ADAM12: variants seen among roughly 807,000 people sequenced by gnomAD.
ADAM12 encodes disintegrin and metalloproteinase domain-containing protein 12.
Under a neutral mutation model 106.4 loss-of-function variants are expected in ADAM12, and 70 were observed. The observed-to-expected ratio is 0.66, with a 90% CI of 0.54 to 0.80. The LOEUF is 0.80. Among genes scored for constraint, ADAM12 ranks in the 30% least tolerant of loss-of-function variants. The pLI, the probability that ADAM12 is intolerant of heterozygous loss-of-function variation, is 0.00. For synonymous variants in ADAM12, 420 were observed against 433.5 expected, an observed-to-expected ratio of 0.97 and a Z score of 0.39; for missense variants, 1,010 against 1,171.9, an observed-to-expected ratio of 0.86 and a Z score of 2.02.
chr10:126,274,343 C>T (rs1047099000), intron 3 of ADAM12, among the ~76,000 whole-genome samples: 12 of 152,196 alleles, frequency 7.9e-5, no homozygotes, highest in Admixed American at 7.9e-4. Flanking sequence ...GCCTAGGACC[C>T]ACCACATATA....
At chr10:126,071,419 C>G (rs967264071) in intron 12 of ADAM12, 58 bp downstream of exon 12, 2 of 1,587,760 alleles carry the variant, frequency 1.3e-6, no homozygotes, top group Non-Finnish European at 1.7e-6. Flanking sequence ...GTTCTCTCTT[C>G]TTTGCCTAGC....
chr10:126,364,342 A>G (rs1184519955), intron 1 of ADAM12, among the ~76,000 whole-genome samples: 1 of 139,434 alleles, frequency 7.2e-6, no homozygotes, highest in Non-Finnish European at 1.6e-5. Flanking sequence ...CAATAAAGCA[A>G]TAACATTTCA....
chr10:126,181,353 T>C (rs1017461835), intron 3 of ADAM12, among the ~76,000 whole-genome samples: 2 of 152,214 alleles, frequency 1.3e-5, no homozygotes, highest in African/African-American at 4.8e-5. Context: ...ATTATAGGCA[T>C]GAGCCATCAC....
At chr10:126,086,667 AAAAAAAAAAAAAAAT>A (rs1955350336) in intron 11 of ADAM12, among the ~76,000 whole-genome samples, 3 of 69,826 alleles carry the variant, frequency 4.3e-5, no homozygotes, top group African/African-American at 8.0e-5. Context: ...AAAAAAAAAA[AAAAAAAAAAAAAAAT>A]ATATATATAT....
intron 18 of ADAM12, chr10:126,041,845 G>C (rs949241575): frequency 1.6e-6 from 2 of 1,255,874 alleles, no homozygotes; most frequent in Admixed American, 7.9e-5. Flanking sequence ...TGCAGGGCTG[G>C]GGCCTGCCAG....
At chr10:126,164,012 C>A (rs1236282179) in intron 3 of ADAM12, among the ~76,000 whole-genome samples, 1 of 152,172 alleles carries the variant, frequency 6.6e-6, no homozygotes, top group African/African-American at 2.4e-5. Context: ...CAATCTCATT[C>A]ATTCCTTCAT....
At chr10:126,079,481 G>T (rs1380437) in intron 11 of ADAM12, among the ~76,000 whole-genome samples, 46,383 of 152,008 alleles carry the variant, frequency 0.31, 7,255 homozygotes, top group South Asian at 0.42. Flanking sequence ...TCGAGGTTCA[G>T]CCACATGGTA....
At chr10:126,087,688 G>T (rs1955383640) in intron 11 of ADAM12, among the ~76,000 whole-genome samples, 1 of 152,180 alleles carries the variant, frequency 6.6e-6, no homozygotes, top group South Asian at 2.1e-4. Context: ...GCACCCCAAA[G>T]TTCGAGGGAG....
intron 3 of ADAM12, among the ~76,000 whole-genome samples, chr10:126,246,185 T>C (rs1230409472): frequency 2.0e-5 from 3 of 152,106 alleles, no homozygotes; most frequent in African/African-American, 4.8e-5. Context: ...AACAAATGGC[T>C]TTGGGGACAA....
At chr10:126,068,773 G>A (rs1954925447) in intron 12 of ADAM12, among the ~76,000 whole-genome samples, 3 of 152,192 alleles carry the variant, frequency 2.0e-5, no homozygotes, top group Admixed American at 6.5e-5. Context: ...AAGTCCAACA[G>A]AGCCAATGAA....
chr10:126,336,323 TG>T (rs1447669459), intron 1 of ADAM12, among the ~76,000 whole-genome samples: 24 of 152,242 alleles, frequency 1.6e-4, no homozygotes, highest in Admixed American at 1.6e-3. Context: ...AGAATAATCA[TG>T]TCATTCTGGA....
chr10:126,099,404 C>T (rs73378615), intron 9 of ADAM12, among the ~76,000 whole-genome samples: 2,129 of 151,040 alleles, frequency 0.014, 48 homozygotes, highest in East Asian at 0.059. Flanking sequence ...CTCCCTCCCT[C>T]TCTATCCACC....
At chr10:126,132,631 T>C (rs1373971907) in intron 5 of ADAM12, among the ~76,000 whole-genome samples, 1 of 151,442 alleles carries the variant, frequency 6.6e-6, no homozygotes, top group Non-Finnish European at 1.5e-5. Context: ...GGTCACTGCA[T>C]TTGTTTACTG....
chr10:126,069,872 T>C (rs1244673987), intron 12 of ADAM12, among the ~76,000 whole-genome samples: 1 of 152,010 alleles, frequency 6.6e-6, no homozygotes, highest in Non-Finnish European at 1.5e-5. Context: ...GTGGAGATGG[T>C]GATGTTAGCA....
At chr10:126,238,837 T>C (rs1464237535) in intron 3 of ADAM12, among the ~76,000 whole-genome samples, 5 of 152,258 alleles carry the variant, frequency 3.3e-5, no homozygotes, top group African/African-American at 9.6e-5. Flanking sequence ...TTAGCCTGTT[T>C]CTGAGGGTAA....
At chr10:126,224,304 G>A (rs190588727) in intron 3 of ADAM12, among the ~76,000 whole-genome samples, 1 of 152,290 alleles carries the variant, frequency 6.6e-6, no homozygotes, top group Non-Finnish European at 1.5e-5. Context: ...ATGCTGGTGA[G>A]GGGAGTCCCA....
chr10:126,180,655 T>C (rs1957296812), intron 3 of ADAM12, among the ~76,000 whole-genome samples: 1 of 152,202 alleles, frequency 6.6e-6, no homozygotes, highest in African/African-American at 2.4e-5. Flanking sequence ...GTGCCCTATT[T>C]TCCTCAGATA....
chr10:126,170,556 G>T (rs1957102364), intron 3 of ADAM12, among the ~76,000 whole-genome samples: 1 of 152,042 alleles, frequency 6.6e-6, no homozygotes, highest in Admixed American at 6.5e-5. Context: ...CCCCTAGGCT[G>T]AGTCAGGAGG....
chr10:126,321,103 G>A (rs1251704053), intron 2 of ADAM12, among the ~76,000 whole-genome samples: 2 of 152,080 alleles, frequency 1.3e-5, no homozygotes, highest in Non-Finnish European at 2.9e-5. Context: ...ATACGTCCTT[G>A]GGCAAATGTA....
Sources: allele counts gnomAD v4.1 joint callset (sites outside exome capture counted in the v4.1 genomes callset), GRCh38; gene constraint gnomAD v4.1.1; transcripts MANE v1.5; gene names NCBI Gene and HGNC (gene_info 2026-07-23, HGNC 2026-07-21).